The following STRN3 variants were observed in gnomAD, a reference collection of about 807,000 sequenced individuals.
STRN3 encodes striatin-3.
A neutral mutation model predicts 95.6 loss-of-function variants in STRN3; 29 were observed. The observed-to-expected ratio is 0.30, with a 90% CI of 0.23 to 0.41. STRN3 has a LOEUF of 0.41. Among genes scored for constraint, STRN3 ranks in the 10% least tolerant of loss-of-function variants. STRN3 has a pLI of 1.00. For missense variants in STRN3, 890 were observed against 972.1 expected (o/e 0.92, Z 1.12); for synonymous variants, 331 against 357.6 (o/e 0.93, Z 0.84).
chr14:30,966,614 G>A (rs1880522931), intron 1 of STRN3, among the ~76,000 whole-genome samples: 1 of 152,180 alleles, frequency 6.6e-6, no homozygotes, highest in Non-Finnish European at 1.5e-5. Context: ...ACTGTGCACA[G>A]GCCAAGGAAG....
intron 8 of STRN3, among the ~76,000 whole-genome samples, chr14:30,924,284 A>G (rs1364218161): frequency 2.1e-4 from 10 of 47,320 alleles, no homozygotes; most frequent in African/African-American, 7.3e-4. Flanking sequence ...TCATGCCTTA[A>G]ATCTTTTTTT....
At chr14:30,999,283 G>C (rs1882338761) in intron 1 of STRN3, among the ~76,000 whole-genome samples, 2 of 152,154 alleles carry the variant, frequency 1.3e-5, no homozygotes, top group South Asian at 4.1e-4. Context: ...CCCAGGTCAA[G>C]CGATCCTCCC....
intron 1 of STRN3, among the ~76,000 whole-genome samples, chr14:31,023,581 C>A (rs551541777): frequency 1.3e-5 from 2 of 152,082 alleles, no homozygotes; most frequent in Admixed American, 6.6e-5. Flanking sequence ...AATCTGTGTA[C>A]ATGACAGTGC....
intron 7 of STRN3, among the ~76,000 whole-genome samples, chr14:30,929,958 A>AAAAAAAAC (rs1393059129): frequency 0.033 from 4,427 of 132,220 alleles, 327 homozygotes; most frequent in East Asian, 0.12. Context: ...GATTAGCAAA[A>AAAAAAAAC]AAAAAAAAAA....
intron 1 of STRN3, among the ~76,000 whole-genome samples, chr14:30,996,268 GACAATGAGAACCCC>G (rs1284052759): frequency 1.3e-5 from 2 of 152,136 alleles, no homozygotes; most frequent in Admixed American, 1.3e-4. Context: ...TCACCCAGCT[GACAATGAGAACCCC>G]ATCACTGGTG....
intron 1 of STRN3, among the ~76,000 whole-genome samples, chr14:31,020,527 A>G (rs1160205043): frequency 1.3e-5 from 2 of 152,036 alleles, no homozygotes; most frequent in Admixed American, 6.6e-5. Context: ...TGCTCAATAA[A>G]TATTAGGTAT....
intron 1 of STRN3, among the ~76,000 whole-genome samples, chr14:30,984,790 T>A (rs1881598670): frequency 6.6e-6 from 1 of 151,736 alleles, no homozygotes; most frequent in African/African-American, 2.4e-5. Flanking sequence ...TCAGAAAATT[T>A]AAATAAAAAA....
At chr14:30,962,976 C>T (rs1285228169) in intron 1 of STRN3, among the ~76,000 whole-genome samples, 1 of 152,122 alleles carries the variant, frequency 6.6e-6, no homozygotes, top group Non-Finnish European at 1.5e-5. Flanking sequence ...AGCCCAAGTG[C>T]AGGCTATATT....
intron 1 of STRN3, among the ~76,000 whole-genome samples, chr14:30,960,791 C>A (rs533466565): frequency 6.6e-6 from 1 of 150,508 alleles, no homozygotes; most frequent in East Asian, 2.0e-4. Context: ...ATGGCGTGAA[C>A]CCGAGAGGCG....
chr14:30,936,422 TAA>T, intron 6 of STRN3, 71 bp downstream of exon 6: 1 of 1,504,564 alleles, frequency 6.6e-7, no homozygotes, highest in Non-Finnish European at 8.9e-7. Flanking sequence ...CAATGTAACT[TAA>T]GATATCTTAA....
At chr14:31,025,864 C>T in intron 1 of STRN3, 40 bp downstream of exon 1, 2 of 1,576,444 alleles carry the variant, frequency 1.3e-6, no homozygotes, top group Non-Finnish European at 1.7e-6. Flanking sequence ...GCCGGGAACC[C>T]AGCCGCCGCA....
intron 4 of STRN3, among the ~76,000 whole-genome samples, chr14:30,947,790 T>C (rs988720933): frequency 5.3e-5 from 8 of 152,202 alleles, no homozygotes; most frequent in African/African-American, 1.9e-4. Flanking sequence ...AGTCCTGTGA[T>C]TTTCAATCTT....
intron 4 of STRN3, 92 bp from the exon 5 acceptor site, chr14:30,947,355 T>A: frequency 2.1e-6 from 2 of 947,026 alleles, no homozygotes; most frequent in Non-Finnish European, 3.1e-6. Flanking sequence ...CATAATCCTA[T>A]AAAATATGCT....
At chr14:30,929,371 C>G in intron 7 of STRN3, 60 bp from the exon 8 acceptor site, 1 of 1,279,340 alleles carries the variant, frequency 7.8e-7, no homozygotes, top group East Asian at 2.3e-5. Context: ...AAGCTGTTGG[C>G]AGTAAACTGT....
intron 4 of STRN3, among the ~76,000 whole-genome samples, chr14:30,949,515 G>A (rs993139554): frequency 2.0e-5 from 3 of 152,150 alleles, no homozygotes; most frequent in African/African-American, 7.2e-5. Flanking sequence ...GGAGGCAGAG[G>A]CAGAAGAATT....
At chr14:30,925,980 A>G (rs1897018077) in intron 8 of STRN3, among the ~76,000 whole-genome samples, 1 of 152,098 alleles carries the variant, frequency 6.6e-6, no homozygotes, top group South Asian at 2.1e-4. Context: ...TATTAACATG[A>G]TGAGCTATTT....
At chr14:30,937,623 T>C (rs1047939655) in intron 5 of STRN3, among the ~76,000 whole-genome samples, 3 of 152,182 alleles carry the variant, frequency 2.0e-5, no homozygotes, top group Admixed American at 6.6e-5. Flanking sequence ...AGTAGAAAAT[T>C]CAGCTGAACA....
At chr14:30,943,716 T>C (rs1184986619) in intron 5 of STRN3, among the ~76,000 whole-genome samples, 1 of 152,058 alleles carries the variant, frequency 6.6e-6, no homozygotes, top group Admixed American at 6.5e-5. Context: ...AAGAAGGAAA[T>C]CCTGTCATAA....
At position 30,954,323 on chromosome 14, in the gene STRN3, T is replaced by C. The variant is rs144339558; in HGVS notation, c.460+1297A>G. On this transcript the variant is annotated intron_variant, in intron 3 of 17. Transcript: ENST00000357479. ...AGGTTAGGTTTAGGCTGTATCTATT[T>C]ATTTTACTGAGAAAGGGGTATAAAT... 6.3e-4 allele frequency among the ~76,000 whole-genome samples: 96 copies of C among 152,336 alleles called. 1 individual carries two copies. Among genetic ancestry groups the C allele is most frequent in the African/African-American group, 2.1e-3 (89 of 41,590 alleles).
Sources: allele counts gnomAD v4.1 joint callset (sites outside exome capture counted in the v4.1 genomes callset), GRCh38; gene constraint gnomAD v4.1.1; transcripts MANE v1.5; gene names NCBI Gene and HGNC (gene_info 2026-07-23, HGNC 2026-07-21).